The following SNRPN variants were observed in gnomAD, a reference collection of about 807,000 sequenced individuals.
SNRPN encodes the protein small nuclear ribonucleoprotein-associated protein N.
In SNRPN, 7 loss-of-function variants were observed where a neutral mutation model predicts 25.2. That is an observed-to-expected ratio of 0.28 (90% CI 0.16 to 0.52). The LOEUF is 0.52. Among genes scored for constraint, SNRPN ranks in the 20% least tolerant of loss-of-function variants. The pLI, the probability that SNRPN is intolerant of heterozygous loss-of-function variation, is 0.96. For missense variants in SNRPN, 196 were observed against 322.5 expected (o/e 0.61, Z 3.00); for synonymous variants, 124 against 110.6 (o/e 1.12, Z -0.76).
At chr15:24,957,100 C>T (rs932127644) in intron 1 of SNRPN, among the ~76,000 whole-genome samples, 3 of 152,010 alleles carry the variant, frequency 2.0e-5, no homozygotes, top group African/African-American at 4.8e-5. Flanking sequence ...TTTTAACTCC[C>T]TGTAGTCTTT....
chr15:24,870,430 A>G (rs2054983740), intron 1 of SNRPN, among the ~76,000 whole-genome samples: 1 of 152,158 alleles, frequency 6.6e-6, no homozygotes, highest in Admixed American at 6.5e-5. Flanking sequence ...ATAAATTCCT[A>G]CTAATGTCTC....
chr15:24,951,709 C>T (rs895443394), upstream of SNRPN, among the ~76,000 whole-genome samples: 13 of 152,114 alleles, frequency 8.5e-5, no homozygotes, highest in African/African-American at 2.6e-4. Context: ...GGTTTCACCA[C>T]GTTGGCCAGA....
At chr15:24,955,312 G>A (rs905130526) in intron 1 of SNRPN, among the ~76,000 whole-genome samples, 3 of 152,138 alleles carry the variant, frequency 2.0e-5, no homozygotes, top group Non-Finnish European at 2.9e-5. Context: ...GTCGCGACAG[G>A]TCCTATTGCG....
chr15:24,844,086 C>T (rs945296440), intron 2 of SNRPN, among the ~76,000 whole-genome samples: 17 of 151,994 alleles, frequency 1.1e-4, no homozygotes, highest in Admixed American at 6.6e-4. Flanking sequence ...ACTCCACATC[C>T]TTACCAGCAC....
chr15:24,950,782 A>C (rs1246867960), upstream of SNRPN, among the ~76,000 whole-genome samples: 1 of 151,372 alleles, frequency 6.6e-6, no homozygotes, highest in African/African-American at 2.4e-5. Context: ...TCCTGGATTC[A>C]AGCGATCTGC....
intron 3 of SNRPN, 91 bp downstream of exon 3, chr15:24,968,173 T>G: frequency 1.2e-6 from 1 of 807,492 alleles, no homozygotes; most frequent in South Asian, 1.5e-5. Context: ...CACATTAATT[T>G]TTTTCCTTAG....
At chr15:24,903,896 T>C (rs1005250426) in intron 2 of SNRPN, among the ~76,000 whole-genome samples, 2 of 151,948 alleles carry the variant, frequency 1.3e-5, no homozygotes, top group Admixed American at 6.6e-5. Context: ...TTGCTGTGTG[T>C]GGTGGTGCAC....
intron 1 of SNRPN, among the ~76,000 whole-genome samples, chr15:24,885,752 GTA>G (rs1491475304): frequency 6.7e-6 from 1 of 150,212 alleles, no homozygotes; most frequent in African/African-American, 2.5e-5. Context: ...GTGTGTGTGT[GTA>G]TGTCTGGGTG....
chr15:24,911,336 T>C lies in SNRPN; in HGVS notation c.-504-8675T>C, dbSNP rs767757846. Among the ~76,000 whole-genome samples, 6 of 152,086 alleles carry C rather than the reference T, an allele frequency of 3.9e-5. No individual in the cohort carries two copies. The South Asian group carries it at 6.2e-4, about 16-fold the overall frequency. On this transcript the variant is annotated intron_variant, in intron 2 of 11. Transcript: ENST00000400097. ...TGCCAGATGCTATTCATTAAGACAA[T>C]GGGAGAATGACCCTGAAGACATTTC...
intron 2 of SNRPN, among the ~76,000 whole-genome samples, chr15:24,916,110 G>A (rs56037953): frequency 0.049 from 7,331 of 150,688 alleles, 186 homozygotes; most frequent in African/African-American, 0.065. Flanking sequence ...ACAGGCACCC[G>A]CCACCAAGCC....
At chr15:24,919,368 T>C (rs1216127742) in intron 2 of SNRPN, among the ~76,000 whole-genome samples, 2 of 150,836 alleles carry the variant, frequency 1.3e-5, no homozygotes, top group Non-Finnish European at 2.9e-5. Context: ...GAGGCGGAGC[T>C]TGGAGTGAGC....
At position 24,893,223 on chromosome 15, in the gene SNRPN, ACAAAC is replaced by A. The variant is rs1186032871; in HGVS notation, c.-505+6635_-505+6639del. Among the ~76,000 whole-genome samples, 28 of 123,104 alleles carry A rather than the reference ACAAAC, an allele frequency of 2.3e-4. No homozygotes were observed. In the East Asian group the frequency reaches 3.9e-3, roughly 17 times the overall value. The allele number at this position is 123,104 out of a possible 152,430, so 80.8% of individuals were successfully genotyped here. On this transcript the variant is annotated intron_variant, in intron 2 of 11. Coordinates refer to the SNRPN transcript ENST00000400097. The stretch of plus-strand genomic sequence containing the variant: ...ACTCTGTCTCAAAACAAACAAACAA[ACAAAC>A]AAACAAAAACAGAAAAGAAGAAAAG...
upstream of SNRPN, among the ~76,000 whole-genome samples, chr15:24,853,312 C>T (rs1404503478): frequency 6.6e-6 from 1 of 152,118 alleles, no homozygotes; most frequent in African/African-American, 2.4e-5. Flanking sequence ...GATGTCATTC[C>T]TCTTTATGCT....
intron 2 of SNRPN, among the ~76,000 whole-genome samples, chr15:24,837,476 C>A (rs1043273683): frequency 2.7e-5 from 4 of 149,030 alleles, no homozygotes; most frequent in Admixed American, 2.7e-4. Flanking sequence ...TCACGCCATT[C>A]TCCTGCCTCA....
upstream of SNRPN, chr15:24,954,972 T>A: frequency 6.3e-7 from 1 of 1,599,950 alleles, no homozygotes; most frequent in Non-Finnish European, 8.5e-7. Context: ...CTGCCGCTGC[T>A]GCAGCGAGTC....
chr15:24,905,002 A>G (rs1231395802), intron 2 of SNRPN, among the ~76,000 whole-genome samples: 2 of 150,872 alleles, frequency 1.3e-5, no homozygotes, highest in Non-Finnish European at 2.9e-5. Context: ...AATCCTAGCT[A>G]CTTGGGAGGC....
intron 2 of SNRPN, among the ~76,000 whole-genome samples, chr15:24,834,466 T>C (rs1267468634): frequency 6.6e-6 from 1 of 151,992 alleles, no homozygotes; most frequent in Non-Finnish European, 1.5e-5. Context: ...AGCAAATCAA[T>C]CCTTATTGAC....
chr15:24,832,007 A>G (rs892298949), intron 2 of SNRPN, among the ~76,000 whole-genome samples: 1 of 151,898 alleles, frequency 6.6e-6, no homozygotes, highest in African/African-American at 2.4e-5. Context: ...ACCTTTGGAT[A>G]TATACCCAGT....
At chr15:24,956,656 C>T (rs1042573422) in intron 1 of SNRPN, among the ~76,000 whole-genome samples, 2 of 152,228 alleles carry the variant, frequency 1.3e-5, no homozygotes, top group African/African-American at 4.8e-5. Context: ...TCCCCTTCAC[C>T]TGGCTGATAC....
Sources: allele counts gnomAD v4.1 joint callset (sites outside exome capture counted in the v4.1 genomes callset), GRCh38; gene constraint gnomAD v4.1.1; transcripts MANE v1.5; gene names NCBI Gene and HGNC (gene_info 2026-07-23, HGNC 2026-07-21).